Variants in CTNNA3 observed in about 807,000 individuals in gnomAD.
CTNNA3 encodes the protein catenin alpha 3, also known as catenin alpha-3.
A neutral mutation model predicts 95.7 loss-of-function variants in CTNNA3; 76 were observed. The observed-to-expected ratio is 0.79, with a 90% CI of 0.66 to 0.96. CTNNA3 has a LOEUF of 0.96. Among genes scored for constraint, CTNNA3 ranks in the 40% least tolerant of loss-of-function variants. The pLI is 0.00. For missense variants in CTNNA3, 1,191 were observed against 1,089.8 expected (o/e 1.09, Z -1.31); for synonymous variants, 431 against 374.4 (o/e 1.15, Z -1.74).
intron 10 of CTNNA3, among the ~76,000 whole-genome samples, chr10:66,608,609 ATAGAG>A (rs1178794627): frequency 2.6e-5 from 4 of 152,236 alleles, no homozygotes; most frequent in Non-Finnish European, 5.9e-5. Flanking sequence ...ATGGAATAGA[ATAGAG>A]TATCCAGAAA....
chr10:67,319,733 T>C (rs1210407926), intron 5 of CTNNA3, among the ~76,000 whole-genome samples: 5 of 151,716 alleles, frequency 3.3e-5, no homozygotes, highest in Non-Finnish European at 7.4e-5. Flanking sequence ...CCATCTCTAA[T>C]GAAAATACAA....
intron 7 of CTNNA3, among the ~76,000 whole-genome samples, chr10:67,172,281 C>T (rs192128634): frequency 1.3e-5 from 2 of 152,292 alleles, no homozygotes; most frequent in Non-Finnish European, 2.9e-5. Context: ...TTCCATTTCA[C>T]GTACTTGTCT....
At chr10:67,639,732 A>C (rs1839457314) in intron 2 of CTNNA3, among the ~76,000 whole-genome samples, 1 of 152,218 alleles carries the variant, frequency 6.6e-6, no homozygotes, top group Admixed American at 6.5e-5. Context: ...AATTCAGCAT[A>C]TAAACAGAAC....
At position 67,636,439 on chromosome 10, in the gene CTNNA3, C is replaced by T. The variant is rs189984954; in HGVS notation, c.99+10976G>A. On this transcript the variant is annotated intron_variant, in intron 2 of 17. Transcript: ENST00000433211. Reference sequence around the variant, plus strand: ...AAACTATACTACAGGGCTACAGTAACCAAAACAGCATGGTACTGGTATAAA... The same window carrying T: ...AAACTATACTACAGGGCTACAGTAATCAAAACAGCATGGTACTGGTATAAA... 1.5e-3 allele frequency among the ~76,000 whole-genome samples: 222 copies of T among 152,236 alleles called. 3 individuals carry two copies. The highest frequency in any genetic ancestry group is 5.2e-3 in the African/African-American group (215 of 41,550).
chr10:67,074,818 T>TATG (rs1564873625), intron 7 of CTNNA3, among the ~76,000 whole-genome samples: 143 of 152,036 alleles, frequency 9.4e-4, no homozygotes, highest in African/African-American at 3.3e-3. Flanking sequence ...CATAATTTAT[T>TATG]TATGTATGTA....
chr10:66,592,084 C>A (rs368317894), intron 10 of CTNNA3, among the ~76,000 whole-genome samples: 2 of 134,504 alleles, frequency 1.5e-5, no homozygotes, highest in African/African-American at 3.1e-5. Context: ...ATTTCTGAAT[C>A]ATTATTCTAG....
chr10:66,321,698 C>T (rs1004586387), intron 12 of CTNNA3, among the ~76,000 whole-genome samples: 5 of 152,060 alleles, frequency 3.3e-5, no homozygotes, highest in African/African-American at 1.2e-4. Flanking sequence ...TATTTTTATA[C>T]TCTCCGAGTG....
chr10:66,257,235 CAA>C (rs1370234086), intron 13 of CTNNA3, among the ~76,000 whole-genome samples: 1 of 152,190 alleles, frequency 6.6e-6, no homozygotes, highest in African/African-American at 2.4e-5. Context: ...TGTGGCTAAA[CAA>C]GAGATAATGT....
chr10:66,162,494 C>T (rs2084905820), intron 13 of CTNNA3, among the ~76,000 whole-genome samples: 1 of 152,084 alleles, frequency 6.6e-6, no homozygotes, highest in African/African-American at 2.4e-5. Context: ...TCTAGCCACC[C>T]AGCGAGTCTA....
intron 1 of CTNNA3, among the ~76,000 whole-genome samples, chr10:67,658,069 G>C (rs1478897681): frequency 1.3e-5 from 2 of 152,046 alleles, no homozygotes; most frequent in African/African-American, 2.4e-5. Context: ...GTCTGCTAAA[G>C]AGTTCTTAAA....
chr10:66,370,646 T>A (rs893004994), intron 12 of CTNNA3, among the ~76,000 whole-genome samples: 1 of 152,194 alleles, frequency 6.6e-6, no homozygotes, highest in Admixed American at 6.6e-5. Flanking sequence ...CTGCAGAGCC[T>A]CTGATCCCCT....
intron 7 of CTNNA3, among the ~76,000 whole-genome samples, chr10:66,955,982 G>A (rs961322081): frequency 6.6e-6 from 1 of 152,080 alleles, no homozygotes; most frequent in African/African-American, 2.4e-5. Context: ...TGCCAGAAAG[G>A]GGTGCTCAAA....
intron 7 of CTNNA3, among the ~76,000 whole-genome samples, chr10:66,996,602 C>T (rs562571952): frequency 3.8e-5 from 5 of 130,370 alleles, no homozygotes; most frequent in South Asian, 5.0e-4. Context: ...GGGTCAAGAT[C>T]GCACCACTGC....
At chr10:67,589,942 T>G (rs1035342377) in intron 3 of CTNNA3, among the ~76,000 whole-genome samples, 1 of 152,160 alleles carries the variant, frequency 6.6e-6, no homozygotes, top group Admixed American at 6.5e-5. Flanking sequence ...ACTATTTGTC[T>G]CTAGAATTTA....
rs1358476957 is a variant in CTNNA3 at position 67,059,948 on chromosome 10, T to G, written c.1047+120369A>C. Among the ~76,000 whole-genome samples, 4 of 152,192 alleles carry G rather than the reference T, an allele frequency of 2.6e-5. No individual in the cohort carries two copies. In the East Asian group the frequency reaches 7.7e-4, roughly 29 times the overall value. On this transcript the variant is annotated intron_variant, in intron 7 of 17. Coordinates refer to ENST00000433211, the MANE Select transcript of CTNNA3 (RefSeq NM_013266.4). ...AAGACACTGTTTCTGTTTCTAAGAT[T>G]CTACAAATATGTTGAGGGAGATAAA... is the stretch of plus-strand genomic sequence containing the variant.
At chr10:66,599,662 T>A (rs1843850510) in intron 10 of CTNNA3, among the ~76,000 whole-genome samples, 1 of 151,882 alleles carries the variant, frequency 6.6e-6, no homozygotes, top group African/African-American at 2.4e-5. Flanking sequence ...ATGAGTGACC[T>A]CAAAGTGTCT....
At chr10:67,164,832 C>T (rs1452863890) in intron 7 of CTNNA3, among the ~76,000 whole-genome samples, 1 of 152,114 alleles carries the variant, frequency 6.6e-6, no homozygotes, top group African/African-American at 2.4e-5. Flanking sequence ...CATAATATCA[C>T]TACACACTGA....
chr10:66,171,341 G>A (rs2085418626), intron 13 of CTNNA3, among the ~76,000 whole-genome samples: 1 of 151,864 alleles, frequency 6.6e-6, no homozygotes, highest in African/African-American at 2.4e-5. Context: ...TTGGGAGGCT[G>A]AGGTGGGTGG....
intron 6 of CTNNA3, among the ~76,000 whole-genome samples, chr10:67,207,382 T>G (rs1863950063): frequency 6.6e-6 from 1 of 152,156 alleles, no homozygotes; most frequent in South Asian, 2.1e-4. Context: ...TGGTTTGTAT[T>G]TAATAATATT....
Sources: allele counts gnomAD v4.1 joint callset (sites outside exome capture counted in the v4.1 genomes callset), GRCh38; gene constraint gnomAD v4.1.1; transcripts MANE v1.5; gene names NCBI Gene and HGNC (gene_info 2026-07-23, HGNC 2026-07-21).